Variants in ZNF66 observed in about 807,000 individuals in gnomAD.
ZNF66 encodes zinc finger protein 66.
In ZNF66, 32 loss-of-function variants were observed where a neutral mutation model predicts 35.2. The observed-to-expected ratio is 0.91, with a 90% CI of 0.69 to 1.22. ZNF66 has a LOEUF of 1.22. ZNF66 is among the 50% of genes most tolerant of loss of function. ZNF66 has a pLI of 0.00. For missense variants in ZNF66, 666 were observed against 543.1 expected (o/e 1.23, Z -2.25); for synonymous variants, 231 against 181.3 (o/e 1.27, Z -2.20).
intron 1 of ZNF66, among the ~76,000 whole-genome samples, chr19:20,782,680 A>T (rs1426070975): frequency 6.6e-6 from 1 of 152,096 alleles, no homozygotes; most frequent in African/African-American, 2.4e-5. Context: ...TCTTTTGAAA[A>T]GAATCTGTGT....
rs527415480 is a variant in ZNF66 at position 20,807,264 on chromosome 19, A to C, written c.1664A>C (p.His555Pro). ...ATTTCATCCTCAAACCTTAGTAGAC[A>C]TGAGATAATTCATATGGGAGGGAAT... Reference protein sequence around the residue: ...AFISSSNLSRHEIIHMGGNPY... With the variant: ...AFISSSNLSRPEIIHMGGNPY... Residue 555 changes from histidine (H) to proline (P), a missense_variant, in exon 4 of 4, where the codon CAT (histidine) becomes CCT (proline). Physicochemically the swap from His to Pro is moderately conservative, Grantham distance 77. Coordinates refer to ENST00000344519, the MANE Select transcript of ZNF66 (RefSeq NM_001355197.2). 2.0e-5 allele frequency: 14 copies of C among 692,020 alleles called. No homozygotes were observed. Among genetic ancestry groups the C allele is most frequent in the Non-Finnish European group, 3.6e-5 (14 of 386,704 alleles). The allele number at this position is 692,020 out of a possible 1,614,324, so 42.9% of individuals were successfully genotyped here.
In ZNF66 at chr19:20,778,905, A is replaced by G. The variant is rs181144180; in HGVS notation, c.3+2455A>G. ...CAAAAACTAAGTGAGTAATTCTGAC[A>G]TGGAAATTAAAGCTTGAACCTAGTG... On this transcript the variant is annotated intron_variant, in intron 1 of 3. Coordinates refer to ENST00000344519, the MANE Select transcript of ZNF66 (RefSeq NM_001355197.2). 3.9e-3 allele frequency among the ~76,000 whole-genome samples: 591 copies of G among 152,330 alleles called. 3 individuals carry two copies. The highest frequency in any genetic ancestry group is 0.014 in the African/African-American group (567 of 41,574).
At chr19:20,788,499 G>A (rs745870153) in intron 1 of ZNF66, among the ~76,000 whole-genome samples, 1 of 151,984 alleles carries the variant, frequency 6.6e-6, no homozygotes, top group Non-Finnish European at 1.5e-5. Context: ...CTGCCACCCT[G>A]GTTCAAGTGA....
intron 1 of ZNF66, among the ~76,000 whole-genome samples, chr19:20,787,904 C>A (rs972971833): frequency 6.6e-6 from 1 of 152,224 alleles, no homozygotes; most frequent in Non-Finnish European, 1.5e-5. Flanking sequence ...GTCTCTCCAG[C>A]CTGGTTGATC....
intron 1 of ZNF66, among the ~76,000 whole-genome samples, chr19:20,789,293 T>C (rs934193963): frequency 6.6e-6 from 1 of 152,132 alleles, no homozygotes; most frequent in African/African-American, 2.4e-5. Context: ...ATTCACCCTT[T>C]TTGGAGGCCT....
At chr19:20,788,014 CAA>C (rs576548008) in intron 1 of ZNF66, among the ~76,000 whole-genome samples, 101 of 152,262 alleles carry the variant, frequency 6.6e-4, no homozygotes, top group African/African-American at 2.4e-3. Context: ...GTTAGACTGA[CAA>C]GAGTGGTTAA....
chr19:20,797,418 G>A (rs1008760205), intron 3 of ZNF66, among the ~76,000 whole-genome samples: 1 of 124,762 alleles, frequency 8.0e-6, no homozygotes, highest in Admixed American at 7.6e-5. Flanking sequence ...GTGTTAGCCA[G>A]GATGGTCTCG....
At chr19:20,796,389 C>T (rs1247335787) in intron 3 of ZNF66, among the ~76,000 whole-genome samples, 1 of 151,944 alleles carries the variant, frequency 6.6e-6, no homozygotes, top group Non-Finnish European at 1.5e-5. Context: ...CATGGTATGC[C>T]TGAAGTAAAT....
At chr19:20,789,114 G>C (rs113923530) in intron 1 of ZNF66, among the ~76,000 whole-genome samples, 101 of 152,166 alleles carry the variant, frequency 6.6e-4, no homozygotes, top group African/African-American at 2.4e-3. Context: ...GTATTAGTAT[G>C]TAGCATAAAG....
Position 20,807,006 on chromosome 19 carries a change from C to A in ZNF66, c.1406C>A (p.Thr469Asn), listed in dbSNP as rs760389925. The A allele has an allele frequency of 5.3e-6, 5 of 943,538 alleles. No individual in the cohort carries two copies. The highest frequency in any genetic ancestry group is 7.0e-6 in the Non-Finnish European group (4 of 573,178). 58.4% of individuals were successfully genotyped at this position (943,538 alleles called of 1,614,324 possible). Reference protein sequence around the residue: ...GKAFNRSSNLTKHKKIHTGEK... With the variant: ...GKAFNRSSNLNKHKKIHTGEK... ...GCCTTTAACCGCTCCTCTAACCTTACTAAACACAAGAAAATTCATACTGGA... is the reference window on the plus strand; with the variant it reads ...GCCTTTAACCGCTCCTCTAACCTTAATAAACACAAGAAAATTCATACTGGA... The change falls in exon 4 of 4, where the codon ACT (threonine) becomes AAT (asparagine). Residue 469 changes from threonine to asparagine, a missense_variant. Thr to Asn is a moderately conservative substitution (Grantham distance 65). Transcript: ENST00000344519.
intron 1 of ZNF66, among the ~76,000 whole-genome samples, chr19:20,784,373 A>G (rs200080588): frequency 1.3e-5 from 2 of 152,214 alleles, no homozygotes; most frequent in East Asian, 3.8e-4. Flanking sequence ...AAATTATTAC[A>G]GTAGATATTT....
At chr19:20,786,070 A>C (rs1160426456) in intron 1 of ZNF66, among the ~76,000 whole-genome samples, 1 of 151,952 alleles carries the variant, frequency 6.6e-6, no homozygotes, top group Non-Finnish European at 1.5e-5. Context: ...TCCCAGCCCA[A>C]TTTTTCTTTT....
intron 1 of ZNF66, among the ~76,000 whole-genome samples, chr19:20,786,245 GTC>G (rs553379814): frequency 1.3e-5 from 2 of 152,182 alleles, no homozygotes; most frequent in Admixed American, 1.3e-4. Flanking sequence ...GCAGAATTGT[GTC>G]TCTGCCTATT....
rs762895876 is a variant in ZNF66 at position 20,806,929 on chromosome 19, T to TA, written c.1331dup (p.Ile445AspfsTer12). The TA allele has an allele frequency of 1.7e-6, 2 of 1,201,430 alleles. No individual in the cohort carries two copies. Among genetic ancestry groups the TA allele is most frequent in the Non-Finnish European group, 2.5e-6 (2 of 805,430 alleles). The allele number at this position is 1,201,430 out of a possible 1,614,324, so 74.4% of individuals were successfully genotyped here. A position where few individuals can be genotyped will look rare whatever the true frequency, so the allele number is the denominator to read the frequency against. ...GTCGGTCCTCTATTCTTACTACACA[T>TA]AAGATAATTCACACTGGAGAGAAAC... On this transcript the variant is annotated frameshift_variant, in exon 4 of 4. Transcript: ENST00000344519. LOFTEE classifies it high-confidence loss of function.
At chr19:20,800,391 G>C (rs1373585614) in intron 3 of ZNF66, among the ~76,000 whole-genome samples, 1 of 152,150 alleles carries the variant, frequency 6.6e-6, no homozygotes, top group Admixed American at 6.5e-5. Context: ...TCTTGGTTTT[G>C]ATGGGAGAGT....
chr19:20,779,043 G>A lies in ZNF66; in HGVS notation c.3+2593G>A, dbSNP rs1418925107. On this transcript the variant is annotated intron_variant, in intron 1 of 3. Coordinates refer to ENST00000344519, the MANE Select transcript of ZNF66 (RefSeq NM_001355197.2). Reference sequence around the variant, plus strand: ...CAGCCTGCTCACCCCAGCCATAGAAGGAGCCTTTATCCTGAGAGAAGCTAC... The same window carrying A: ...CAGCCTGCTCACCCCAGCCATAGAAAGAGCCTTTATCCTGAGAGAAGCTAC... 2.0e-5 allele frequency among the ~76,000 whole-genome samples: 3 copies of A among 152,160 alleles called. No homozygotes were observed. The South Asian group carries it at 6.2e-4, about 32-fold the overall frequency.
chr19:20,787,409 G>A (rs1040662218), intron 1 of ZNF66, among the ~76,000 whole-genome samples: 2 of 152,192 alleles, frequency 1.3e-5, no homozygotes, highest in East Asian at 3.9e-4. Flanking sequence ...TCCACTTGCT[G>A]TAACATCAAA....
intron 1 of ZNF66, among the ~76,000 whole-genome samples, chr19:20,782,426 ATTAG>A (rs1792985747): frequency 6.6e-6 from 1 of 152,156 alleles, no homozygotes; most frequent in African/African-American, 2.4e-5. Context: ...TAATTCTGTT[ATTAG>A]TTCTGTGAGG....
intron 1 of ZNF66, among the ~76,000 whole-genome samples, chr19:20,783,301 A>G (rs934072669): frequency 6.6e-6 from 1 of 152,220 alleles, no homozygotes; most frequent in African/African-American, 2.4e-5. Flanking sequence ...TCAGATGTCC[A>G]AGAGTTCAAA....
Sources: gnomAD v4.1 joint callset for allele counts (sites outside exome capture counted in the v4.1 genomes callset) on GRCh38, gnomAD v4.1.1 for gene constraint, MANE v1.5 for transcripts, NCBI Gene and HGNC (gene_info 2026-07-23, HGNC 2026-07-21) for gene names.